The following PDS5B variants were observed in gnomAD, a reference collection of about 807,000 sequenced individuals.
PDS5B encodes PDS5 cohesin associated factor B.
In PDS5B, 51 loss-of-function variants were observed where a neutral mutation model predicts 184.1. The observed-to-expected ratio is 0.28, with a 90% confidence interval of 0.22 to 0.35. The LOEUF is 0.35. PDS5B is among the 10% of genes least tolerant of loss of function. PDS5B has a pLI of 1.00. For missense variants in PDS5B, 1,180 were observed against 1,723.3 expected (o/e 0.68, Z 5.58); for synonymous variants, 566 against 569.2 (o/e 0.99, Z 0.08).
chr13:32,721,899 C>CA (rs1952725261), intron 19 of PDS5B, among the ~76,000 whole-genome samples: 1 of 151,846 alleles, frequency 6.6e-6, no homozygotes, highest in African/African-American at 2.4e-5. Context: ...AGGGGCTCCT[C>CA]ACATCCCAGA....
At chr13:32,756,189 G>T (rs538666881) in intron 26 of PDS5B, among the ~76,000 whole-genome samples, 1 of 152,084 alleles carries the variant, frequency 6.6e-6, no homozygotes, top group East Asian at 1.9e-4. Flanking sequence ...TTCTGTACCA[G>T]TCTGGTGTTC....
At chr13:32,715,633 C>CTCCCTCTCCCTA (rs1296544166) in intron 19 of PDS5B, among the ~76,000 whole-genome samples, 1 of 151,624 alleles carries the variant, frequency 6.6e-6, no homozygotes, top group African/African-American at 2.4e-5. Flanking sequence ...AGCTCTCCCT[C>CTCCCTCTCCCTA]TCCCTCTCCC....
At chr13:32,681,548 T>C (rs1252232535) in intron 10 of PDS5B, among the ~76,000 whole-genome samples, 1 of 151,444 alleles carries the variant, frequency 6.6e-6, no homozygotes, top group African/African-American at 2.4e-5. Context: ...TGCTTGAACC[T>C]GGGAGGCAGA....
chr13:32,735,095 A>AT, intron 20 of PDS5B, 77 bp from the exon 21 acceptor site: 1 of 864,178 alleles, frequency 1.2e-6, no homozygotes, highest in Non-Finnish European at 1.7e-6. Flanking sequence ...AAATTTTGTA[A>AT]TTTGAAAATG....
intron 1 of PDS5B, among the ~76,000 whole-genome samples, chr13:32,626,221 C>G (rs2058368979): frequency 1.3e-5 from 2 of 152,192 alleles, no homozygotes; most frequent in African/African-American, 2.4e-5. Flanking sequence ...CCCTTCCCTA[C>G]TGAGTTGTTG....
intron 12 of PDS5B, 44 bp downstream of exon 12, chr13:32,687,329 T>C: frequency 7.2e-7 from 1 of 1,379,952 alleles, no homozygotes; most frequent in Non-Finnish European, 9.9e-7. Context: ...TTGAATGTTA[T>C]ATAACTTGAT....
chr13:32,616,035 A>G (rs891339962), intron 1 of PDS5B, among the ~76,000 whole-genome samples: 6 of 151,688 alleles, frequency 4.0e-5, no homozygotes, highest in African/African-American at 1.2e-4. Flanking sequence ...GCTAGAAGTG[A>G]TATTTTTCCT....
rs1012556031 is a variant in PDS5B at position 32,721,420 on chromosome 13, G to A, written c.2124-10681G>A. Among the ~76,000 whole-genome samples the A allele has an allele frequency of 5.9e-5, 9 of 151,670 alleles. No individual in the cohort carries two copies. The South Asian group carries it at 8.3e-4, about 14-fold the overall frequency. On this transcript the variant is annotated intron_variant, in intron 19 of 34. Transcript: ENST00000315596. ...TCACTTCCCAGACGGAGCGGCTGCC[G>A]GGCGGAGGGGCTCCTCACTTCTCAG...
chr13:32,626,920 TG>T (rs751933052), intron 1 of PDS5B, among the ~76,000 whole-genome samples: 2 of 152,252 alleles, frequency 1.3e-5, no homozygotes, highest in Non-Finnish European at 2.9e-5. Flanking sequence ...CTGATGTGTG[TG>T]CCTGTTGGGC....
chr13:32,683,107 G>A (rs1951291532), intron 10 of PDS5B, among the ~76,000 whole-genome samples: 1 of 151,980 alleles, frequency 6.6e-6, no homozygotes, highest in Non-Finnish European at 1.5e-5. Flanking sequence ...CCACCTCCTG[G>A]GTTCAAGCGA....
intron 1 of PDS5B, among the ~76,000 whole-genome samples, chr13:32,641,300 C>G (rs1045156092): frequency 6.6e-6 from 1 of 152,096 alleles, no homozygotes; most frequent in Non-Finnish European, 1.5e-5. Context: ...TTTTCATTGA[C>G]TTAATGATAC....
intron 17 of PDS5B, among the ~76,000 whole-genome samples, chr13:32,706,540 TAA>T (rs1952024996): frequency 1.3e-5 from 2 of 152,140 alleles, no homozygotes; most frequent in African/African-American, 4.8e-5. Flanking sequence ...TGGAAGTGCT[TAA>T]TGTTTCCTTT....
intron 1 of PDS5B, among the ~76,000 whole-genome samples, chr13:32,594,144 C>T (rs763135865): frequency 3.9e-5 from 6 of 152,138 alleles, no homozygotes; most frequent in Non-Finnish European, 8.8e-5. Context: ...ATAAAACCCC[C>T]GAACCTACTA....
intron 1 of PDS5B, among the ~76,000 whole-genome samples, chr13:32,587,117 C>G (rs1382885833): frequency 6.7e-6 from 1 of 148,270 alleles, no homozygotes; most frequent in Non-Finnish European, 1.5e-5. Flanking sequence ...GCTTCTCCCC[C>G]TTCCGGGCGA....
At chr13:32,641,312 CTCT>C (rs1417716306) in intron 1 of PDS5B, among the ~76,000 whole-genome samples, 6 of 152,060 alleles carry the variant, frequency 3.9e-5, no homozygotes, top group Non-Finnish European at 7.4e-5. Context: ...TAATGATACC[CTCT>C]TCTTCTGTGT....
At chr13:32,668,712 T>A (rs1347112567) in intron 7 of PDS5B, among the ~76,000 whole-genome samples, 4 of 152,174 alleles carry the variant, frequency 2.6e-5, no homozygotes, top group African/African-American at 9.6e-5. Context: ...CTGAGTAAAG[T>A]AAGAAAGAAA....
intron 21 of PDS5B, 121 bp from the exon 22 acceptor site, chr13:32,740,959 T>C: frequency 1.6e-6 from 1 of 633,436 alleles, no homozygotes; most frequent in Non-Finnish European, 2.8e-6. Context: ...ACTTTAGTCA[T>C]ATATAACAAA....
chr13:32,596,442 G>A (rs2057871831), intron 1 of PDS5B, among the ~76,000 whole-genome samples: 1 of 152,156 alleles, frequency 6.6e-6, no homozygotes, highest in African/African-American at 2.4e-5. Context: ...GTAGAATCCA[G>A]TTTTTGACTA....
chr13:32,587,815 C>T (rs577710093), intron 1 of PDS5B, among the ~76,000 whole-genome samples: 30 of 152,284 alleles, frequency 2.0e-4, no homozygotes, highest in Admixed American at 1.3e-3. Flanking sequence ...CTGATCCTAC[C>T]CTGTTGATGA....
Sources: allele counts gnomAD v4.1 joint callset (sites outside exome capture counted in the v4.1 genomes callset), GRCh38; gene constraint gnomAD v4.1.1; transcripts MANE v1.5; gene names NCBI Gene and HGNC (gene_info 2026-07-23, HGNC 2026-07-21).